Variants in NEMP2 observed in about 807,000 individuals in gnomAD.
NEMP2 encodes UPF0571 transmembrane protein.
In NEMP2, 53 loss-of-function variants were observed where a neutral mutation model predicts 54.2. The observed-to-expected ratio is 0.98, with a 90% CI of 0.78 to 1.23. The LOEUF is 1.23. Among genes scored for constraint, NEMP2 ranks in the 50% most tolerant of loss-of-function variants. The pLI is 0.00. For missense variants in NEMP2, 455 were observed against 511.3 expected, an observed-to-expected ratio of 0.89 and a Z score of 1.06; for synonymous variants, 197 against 190.3, an observed-to-expected ratio of 1.04 and a Z score of -0.29.
the NEMP2 span, among the ~76,000 whole-genome samples, chr2:190,541,637 A>G: frequency 6.6e-6 from 1 of 152,212 alleles, no homozygotes; most frequent in East Asian, 1.9e-4. The surrounding 1 kb of genome is among the most constrained non-coding windows in gnomAD (Gnocchi z 5.2). Context: ...CAGTTACAGT[A>G]TTAGAGTATT....
the NEMP2 span, among the ~76,000 whole-genome samples, chr2:190,465,586 CAGTAA>C: frequency 6.6e-6 from 1 of 152,102 alleles, no homozygotes; most frequent in Non-Finnish European, 1.5e-5. The surrounding 1 kb of genome is among the most constrained non-coding windows in gnomAD (Gnocchi z 4.6). Flanking sequence ...GAAAATGATC[CAGTAA>C]AATATGCTTT....
the NEMP2 span, among the ~76,000 whole-genome samples, chr2:190,634,825 C>T: frequency 6.6e-5 from 10 of 152,180 alleles, no homozygotes; most frequent in East Asian, 9.6e-4. The surrounding 1 kb of genome is among the most constrained non-coding windows in gnomAD (Gnocchi z 6.8). Context: ...CCTAAACACC[C>T]GTCTGTTGGG....
the NEMP2 span, among the ~76,000 whole-genome samples, chr2:190,562,662 CT>C: frequency 1.9e-4 from 29 of 152,244 alleles, no homozygotes; most frequent in Non-Finnish European, 3.7e-4. The surrounding 1 kb of genome is among the most constrained non-coding windows in gnomAD (Gnocchi z 5.0). Context: ...GTCTCTATGA[CT>C]CTTTTTTGCC....
In NEMP2 at chr2:190,510,876, G is replaced by A. The variant is rs1383216932; in HGVS notation, c.954-339C>T. Among the ~76,000 whole-genome samples the A allele has an allele frequency of 2.1e-5, 3 of 143,270 alleles. No homozygotes were observed. Among genetic ancestry groups the A allele is most frequent in the African/African-American group, 5.2e-5 (2 of 38,336 alleles). 94.0% of individuals were successfully genotyped at this position (143,270 alleles called of 152,430 possible). ...AGCCTGGGCGACAGAGGGAGACTCC[G>A]TCTCAAAAAAAAAAAAAAAAGATTT... On this transcript the variant is annotated intron_variant, in intron 7 of 8. Transcript: ENST00000409150. This position sits in a 1 kb window ranked among gnomAD's most constrained non-coding sequence, Gnocchi z 5.7.
upstream of NEMP2, among the ~76,000 whole-genome samples, chr2:190,539,330 C>A (rs1691473938): frequency 6.6e-6 from 1 of 152,058 alleles, no homozygotes; most frequent in Non-Finnish European, 1.5e-5. The surrounding 1 kb of genome is among the most constrained non-coding windows in gnomAD (Gnocchi z 4.1). Flanking sequence ...ATGCCAGTAC[C>A]CTTCTGTTTT....
rs1396015853 is a variant in NEMP2 at position 190,510,957 on chromosome 2, A to G, written c.954-420T>C. ...AATAATACTTCTTAACTTCCTCTATATCATATCTATACTTTTTTATTGCTG... is the reference window on the plus strand; with the variant it reads ...AATAATACTTCTTAACTTCCTCTATGTCATATCTATACTTTTTTATTGCTG... On this transcript the variant is annotated intron_variant, in intron 7 of 8. Transcript: ENST00000409150. This position sits in a 1 kb window ranked among gnomAD's most constrained non-coding sequence, Gnocchi z 5.7. Among the ~76,000 whole-genome samples the G allele has an allele frequency of 6.6e-6, 1 of 152,088 alleles. No individual in the cohort carries two copies. The highest frequency in any genetic ancestry group is 1.5e-5 in the Non-Finnish European group (1 of 68,020).
At chr2:190,535,467 A>T (rs1233906734), upstream of NEMP2, among the ~76,000 whole-genome samples, 1 of 152,188 alleles carries the variant, frequency 6.6e-6, no homozygotes, top group Non-Finnish European at 1.5e-5. Context: ...TAATTAGGAG[A>T]TATACATATA....
the NEMP2 span, among the ~76,000 whole-genome samples, chr2:190,473,853 A>G: frequency 6.6e-6 from 1 of 152,224 alleles, no homozygotes; most frequent in East Asian, 1.9e-4. Context: ...AACAGAAATT[A>G]TAACAAACTG....
At chr2:190,479,518 CAATT>C in the NEMP2 span, among the ~76,000 whole-genome samples, 4 of 152,020 alleles carry the variant, frequency 2.6e-5, no homozygotes, top group African/African-American at 7.2e-5. Context: ...GTACAAAGAA[CAATT>C]AAACATTCAT....
the NEMP2 span, among the ~76,000 whole-genome samples, chr2:190,559,103 G>A: frequency 6.6e-6 from 1 of 152,140 alleles, no homozygotes; most frequent in African/African-American, 2.4e-5. The surrounding 1 kb of genome is among the most constrained non-coding windows in gnomAD (Gnocchi z 4.0). Context: ...AGATAGGCCA[G>A]AATAATAGAA....
chr2:190,508,983 A>G lies in NEMP2; in HGVS notation c.*206T>C, dbSNP rs892802576. 6 of 673,386 alleles carry G rather than the reference A, an allele frequency of 8.9e-6. No homozygotes were observed. The highest frequency in any genetic ancestry group is 1.4e-5 in the Non-Finnish European group (6 of 421,338). The allele number at this position is 673,386 out of a possible 1,614,324, so 41.7% of individuals were successfully genotyped here. On this transcript the variant is annotated 3_prime_UTR_variant, in exon 9 of 9. Transcript: ENST00000409150. This position sits in a 1 kb window ranked among gnomAD's most constrained non-coding sequence, Gnocchi z 4.3. ...TGGCTGTCACAGAATTTTGGTATCC[A>G]CCTACAGTACAATAAGTAGCAGAAG...
At chr2:190,429,318 T>C in the NEMP2 span, among the ~76,000 whole-genome samples, 1 of 152,014 alleles carries the variant, frequency 6.6e-6, no homozygotes, top group South Asian at 2.1e-4. Context: ...TGGTAGCTTA[T>C]GAACAGAAAT....
the NEMP2 span, among the ~76,000 whole-genome samples, chr2:190,615,592 C>T: frequency 4.6e-5 from 7 of 152,204 alleles, no homozygotes; most frequent in African/African-American, 1.7e-4. The surrounding 1 kb of genome is among the most constrained non-coding windows in gnomAD (Gnocchi z 4.7). Flanking sequence ...TGATAAATCA[C>T]TGGCCATCAG....
the NEMP2 span, among the ~76,000 whole-genome samples, chr2:190,450,488 C>CTTTTTTTTTTTTTTTTTTT: frequency 2.1e-5 from 2 of 97,254 alleles, no homozygotes; most frequent in Non-Finnish European, 3.8e-5. Flanking sequence ...TCTCTTTTTC[C>CTTTTTTTTTTTTTTTTTTT]TTTTTTTTTT....
the NEMP2 span, among the ~76,000 whole-genome samples, chr2:190,634,299 T>C: frequency 6.6e-6 from 1 of 152,210 alleles, no homozygotes; most frequent in Non-Finnish European, 1.5e-5. The surrounding 1 kb of genome is among the most constrained non-coding windows in gnomAD (Gnocchi z 6.8). Context: ...CTACCATAGT[T>C]AGGCAAATCC....
chr2:190,580,097 G>T, the NEMP2 span, among the ~76,000 whole-genome samples: 2 of 152,092 alleles, frequency 1.3e-5, no homozygotes, highest in East Asian at 3.9e-4. The surrounding 1 kb of genome is among the most constrained non-coding windows in gnomAD (Gnocchi z 5.3). Flanking sequence ...AGTAGGCCTG[G>T]GGCGAGGCCT....
At position 190,533,135 on chromosome 2, in the gene NEMP2, T is replaced by C. The variant is rs1448783680; in HGVS notation, c.97+1424A>G. 1.3e-5 allele frequency among the ~76,000 whole-genome samples: 2 copies of C among 152,224 alleles called. No individual in the cohort carries two copies. Among genetic ancestry groups the C allele is most frequent in the Non-Finnish European group, 2.9e-5 (2 of 68,040 alleles). Reference sequence around the variant, plus strand: ...CTCTTCAGTAAAAACATCTTCATTTTACTCAAGAGAAAACTACGGTCCATA... The same window carrying C: ...CTCTTCAGTAAAAACATCTTCATTTCACTCAAGAGAAAACTACGGTCCATA... On this transcript the variant is annotated intron_variant, in intron 1 of 8. Transcript: ENST00000409150. The surrounding 1 kb of genome is among the most constrained non-coding windows in gnomAD (Gnocchi z 4.3).
At chr2:190,502,274 A>C (rs549047344), downstream of NEMP2, 5 of 152,320 alleles carry the variant, frequency 3.3e-5, no homozygotes, top group South Asian at 1.0e-3. The surrounding 1 kb of genome is among the most constrained non-coding windows in gnomAD (Gnocchi z 4.4). Context: ...CCAAAGTGCC[A>C]TATGCTACCT....
the NEMP2 span, among the ~76,000 whole-genome samples, chr2:190,635,559 G>A: frequency 3.3e-5 from 5 of 152,142 alleles, no homozygotes; most frequent in Non-Finnish European, 7.4e-5. The surrounding 1 kb of genome is among the most constrained non-coding windows in gnomAD (Gnocchi z 4.1). Context: ...TCTTGTTTGT[G>A]AGATTCTTCC....
Sources: allele counts gnomAD v4.1 joint callset (sites outside exome capture counted in the v4.1 genomes callset), GRCh38; gene constraint gnomAD v4.1.1; non-coding constraint Gnocchi (gnomAD v3.1); transcripts MANE v1.5; gene names NCBI Gene and HGNC (gene_info 2026-07-23, HGNC 2026-07-21).